KCND2: variants seen among roughly 807,000 people sequenced by gnomAD.
The protein encoded by KCND2 is potassium voltage-gated channel subfamily D member 2, also known as A-type voltage-gated potassium channel KCND2.
A neutral mutation model predicts 54.4 loss-of-function variants in KCND2; 16 were observed. The observed-to-expected ratio is 0.29, with a 90% CI of 0.20 to 0.45. KCND2 has a LOEUF of 0.45. Among genes scored for constraint, KCND2 ranks in the 20% least tolerant of loss-of-function variants. KCND2 has a pLI of 1.00. For synonymous variants in KCND2, 317 were observed against 310.7 expected (o/e 1.02, Z -0.21); for missense variants, 486 against 824.2 (o/e 0.59, Z 5.02).
chr7:120,455,595 A>G (rs560337892), intron 1 of KCND2, among the ~76,000 whole-genome samples: 8 of 152,218 alleles, frequency 5.3e-5, no homozygotes, highest in African/African-American at 1.7e-4. Flanking sequence ...ATTCTCATCA[A>G]TGGTATACTG....
chr7:120,280,174 GA>G (rs1799240772), intron 1 of KCND2, among the ~76,000 whole-genome samples: 1 of 151,982 alleles, frequency 6.6e-6, no homozygotes, highest in African/African-American at 2.4e-5. Context: ...GTTCTTTATA[GA>G]AAATGTTAGT....
At chr7:120,473,180 AG>A (rs1802485247) in intron 1 of KCND2, among the ~76,000 whole-genome samples, 1 of 152,162 alleles carries the variant, frequency 6.6e-6, no homozygotes, top group Non-Finnish European at 1.5e-5. Context: ...GTGAGAGACG[AG>A]GGTGGAGCTT....
At chr7:120,659,732 A>G (rs566097981) in intron 1 of KCND2, among the ~76,000 whole-genome samples, 4 of 152,190 alleles carry the variant, frequency 2.6e-5, no homozygotes, top group South Asian at 2.1e-4. Context: ...CAGGAACCCC[A>G]CGTATAACAA....
intron 1 of KCND2, among the ~76,000 whole-genome samples, chr7:120,534,163 TCCCAAGA>T (rs1791875207): frequency 6.6e-6 from 1 of 152,058 alleles, no homozygotes; most frequent in Admixed American, 6.6e-5. Context: ...GCTTGGTGAA[TCCCAAGA>T]GTAGAGTCTG....
intron 1 of KCND2, among the ~76,000 whole-genome samples, chr7:120,477,659 GA>G (rs1209161392): frequency 7.9e-5 from 12 of 152,068 alleles, no homozygotes; most frequent in African/African-American, 1.2e-4. Context: ...AGAAGAGGGG[GA>G]AAGAGAACTA....
rs540015228 is a variant in KCND2, at chr7:120,545,535, A to C, written c.1116-187368A>C. Among the ~76,000 whole-genome samples the C allele has an allele frequency of 3.9e-5, 6 of 152,050 alleles. No individual in the cohort carries two copies. In the South Asian group the frequency reaches 1.2e-3, roughly 32 times the overall value. On this transcript the variant is annotated intron_variant, in intron 1 of 5. Coordinates refer to ENST00000331113, the MANE Select transcript of KCND2 (RefSeq NM_012281.3). ...TGAAATAGATCCCAGGTCAGCAATG[A>C]AAGTTGTTCAGGGAAAAGAATTGGA...
intron 2 of KCND2, among the ~76,000 whole-genome samples, 199 bp downstream of exon 2, chr7:120,733,264 A>G (rs558718239): frequency 7.9e-5 from 12 of 152,232 alleles, no homozygotes; most frequent in Middle Eastern, 3.4e-3. Flanking sequence ...GAATCATGCT[A>G]CAAGTCCATT....
chr7:120,632,963 A>C (rs1793257449), intron 1 of KCND2, among the ~76,000 whole-genome samples: 1 of 152,198 alleles, frequency 6.6e-6, no homozygotes, highest in Admixed American at 6.5e-5. Flanking sequence ...GTGAATCTCC[A>C]ATCTTGGCAT....
intron 1 of KCND2, among the ~76,000 whole-genome samples, chr7:120,324,999 T>C (rs1269487920): frequency 2.3e-5 from 3 of 128,664 alleles, no homozygotes; most frequent in African/African-American, 8.6e-5. Flanking sequence ...GTAGTTCTCC[T>C]TGAAGAGGTC....
rs116247547 is a variant in KCND2, at chr7:120,313,522, C to T, written c.1115+37775C>T. Among the ~76,000 whole-genome samples the T allele has an allele frequency of 7.8e-3, 1,193 of 152,010 alleles. 13 individuals carry two copies. The highest frequency in any genetic ancestry group is 0.027 in the African/African-American group (1,112 of 41,522). On this transcript the variant is annotated intron_variant, in intron 1 of 5. Coordinates refer to ENST00000331113, the MANE Select transcript of KCND2 (RefSeq NM_012281.3). ...AAAGCATAGTTATAGTTGACTTAAACCCGATTTTCCATGTCTCCCTCTTTC... is the reference window on the plus strand; with the variant it reads ...AAAGCATAGTTATAGTTGACTTAAATCCGATTTTCCATGTCTCCCTCTTTC...
chr7:120,530,469 T>C (rs1791830093), intron 1 of KCND2, among the ~76,000 whole-genome samples: 1 of 152,158 alleles, frequency 6.6e-6, no homozygotes, highest in African/African-American at 2.4e-5. Flanking sequence ...TTCTTTGAAG[T>C]ATATATCTAA....
At chr7:120,378,855 G>A (rs2116020387) in intron 1 of KCND2, among the ~76,000 whole-genome samples, 1 of 152,060 alleles carries the variant, frequency 6.6e-6, no homozygotes, top group South Asian at 2.1e-4. Context: ...CTGAGAGGGT[G>A]ATAAAATCTT....
intron 1 of KCND2, among the ~76,000 whole-genome samples, chr7:120,504,876 G>T (rs1341239464): frequency 6.6e-6 from 1 of 151,432 alleles, no homozygotes; most frequent in East Asian, 1.9e-4. Flanking sequence ...ATGAATATCG[G>T]TATACTCTTT....
At chr7:120,681,902 A>T (rs1342209987) in intron 1 of KCND2, among the ~76,000 whole-genome samples, 1 of 152,030 alleles carries the variant, frequency 6.6e-6, no homozygotes, top group Non-Finnish European at 1.5e-5. Flanking sequence ...CTAAGCAGCT[A>T]ATACTAACTT....
At chr7:120,502,476 T>C (rs1802950977) in intron 1 of KCND2, among the ~76,000 whole-genome samples, 1 of 152,062 alleles carries the variant, frequency 6.6e-6, no homozygotes, top group African/African-American at 2.4e-5. Context: ...GACTGGGGAC[T>C]GTCACCTATA....
chr7:120,670,522 G>A (rs779411958), intron 1 of KCND2, among the ~76,000 whole-genome samples: 2 of 151,910 alleles, frequency 1.3e-5, no homozygotes, highest in African/African-American at 2.4e-5. Flanking sequence ...GCCACCACCC[G>A]CTTCCCCAAG....
intron 1 of KCND2, among the ~76,000 whole-genome samples, chr7:120,603,789 T>C (rs1186131271): frequency 1.3e-5 from 2 of 152,228 alleles, no homozygotes; most frequent in African/African-American, 4.8e-5. Context: ...AGCATAGTGA[T>C]TTATCTCTAC....
chr7:120,632,891 G>A (rs1443237836), intron 1 of KCND2, among the ~76,000 whole-genome samples: 1 of 152,166 alleles, frequency 6.6e-6, no homozygotes, highest in Non-Finnish European at 1.5e-5. Context: ...TCTAGAGTCT[G>A]TTTGCAAAGA....
At chr7:120,645,362 G>C (rs1347109980) in intron 1 of KCND2, among the ~76,000 whole-genome samples, 1 of 151,898 alleles carries the variant, frequency 6.6e-6, no homozygotes, top group Non-Finnish European at 1.5e-5. Flanking sequence ...GTTAATATAG[G>C]GTTCTGTGGC....
Sources: gnomAD v4.1 joint callset for allele counts (sites outside exome capture counted in the v4.1 genomes callset) on GRCh38, gnomAD v4.1.1 for gene constraint, MANE v1.5 for transcripts, NCBI Gene and HGNC (gene_info 2026-07-23, HGNC 2026-07-21) for gene names.